PPM1E: variants seen among roughly 807,000 people sequenced by gnomAD.
PPM1E encodes the protein protein phosphatase 1E.
A neutral mutation model predicts 65.9 loss-of-function variants in PPM1E; 20 were observed. That is an observed-to-expected ratio of 0.30 (90% CI 0.21 to 0.44). The LOEUF is 0.44. PPM1E is among the 20% of genes least tolerant of loss of function. The pLI, the probability that PPM1E is intolerant of heterozygous loss-of-function variation, is 1.00. For missense variants in PPM1E, 713 were observed against 953.1 expected (o/e 0.75, Z 3.32); for synonymous variants, 352 against 374.9 (o/e 0.94, Z 0.70).
intron 1 of PPM1E, among the ~76,000 whole-genome samples, chr17:58,914,616 A>G (rs1246773002): frequency 6.6e-6 from 1 of 152,132 alleles, no homozygotes; most frequent in Non-Finnish European, 1.5e-5. Flanking sequence ...GGGCTGACTC[A>G]CTTTCTAAAA....
chr17:58,898,030 G>A (rs1408971568), intron 1 of PPM1E, among the ~76,000 whole-genome samples: 1 of 152,080 alleles, frequency 6.6e-6, no homozygotes, highest in Non-Finnish European at 1.5e-5. Flanking sequence ...GGAGGCCGAG[G>A]CAGGTGGATC....
At chr17:58,958,281 G>A (rs1301246393) in intron 2 of PPM1E, among the ~76,000 whole-genome samples, 3 of 151,830 alleles carry the variant, frequency 2.0e-5, no homozygotes, top group Non-Finnish European at 4.4e-5. Flanking sequence ...GATGATCACA[G>A]TTCACTGAAG....
At chr17:58,936,122 G>T (rs926400728) in intron 1 of PPM1E, among the ~76,000 whole-genome samples, 1 of 152,044 alleles carries the variant, frequency 6.6e-6, no homozygotes, top group African/African-American at 2.4e-5. Context: ...TCGGTGGTGT[G>T]TGGGCATTGC....
At chr17:58,824,511 G>A (rs2050512471) in intron 1 of PPM1E, among the ~76,000 whole-genome samples, 2 of 151,734 alleles carry the variant, frequency 1.3e-5, no homozygotes, top group Admixed American at 6.6e-5. Context: ...AGAGGATTCA[G>A]GTGTAAAAGC....
At chr17:58,814,362 T>G (rs2050396266) in intron 1 of PPM1E, among the ~76,000 whole-genome samples, 1 of 152,184 alleles carries the variant, frequency 6.6e-6, no homozygotes, top group Non-Finnish European at 1.5e-5. Flanking sequence ...CTGTAATAAT[T>G]AACATTTCTG....
chr17:58,827,314 T>G (rs1464958231), intron 1 of PPM1E, among the ~76,000 whole-genome samples: 1 of 151,828 alleles, frequency 6.6e-6, no homozygotes, highest in South Asian at 2.1e-4. Flanking sequence ...ATTTTTTGTA[T>G]TTTTAGTAGA....
chr17:58,898,739 G>A (rs1013014495), intron 1 of PPM1E, among the ~76,000 whole-genome samples: 2 of 152,144 alleles, frequency 1.3e-5, no homozygotes, highest in Non-Finnish European at 2.9e-5. Context: ...ATTCACAATA[G>A]CAAAGACTTG....
intron 1 of PPM1E, among the ~76,000 whole-genome samples, chr17:58,920,732 T>C (rs2051739945): frequency 6.6e-6 from 1 of 152,180 alleles, no homozygotes; most frequent in South Asian, 2.1e-4. Flanking sequence ...TACTTGAATA[T>C]AAGAGCCTAG....
chr17:58,983,071 G>C lies in PPM1E; in HGVS notation c.*2040G>C. On this transcript the variant is annotated 3_prime_UTR_variant, in exon 7 of 7. Coordinates refer to ENST00000308249, the MANE Select transcript of PPM1E (RefSeq NM_014906.5). Reference sequence around the variant, plus strand: ...AGAATAAAGAGGGTAAAGGGAAAAAGTTACTACACATGCTAGGCTTTCTCA... The same window carrying C: ...AGAATAAAGAGGGTAAAGGGAAAAACTTACTACACATGCTAGGCTTTCTCA... The C allele has an allele frequency of 3.0e-6, 2 of 668,238 alleles. No individual in the cohort carries two copies. The highest frequency in any genetic ancestry group is 4.9e-6 in the Non-Finnish European group (2 of 409,060). The allele number at this position is 668,238 out of a possible 1,614,324, so 41.4% of individuals were successfully genotyped here.
intron 1 of PPM1E, among the ~76,000 whole-genome samples, chr17:58,893,210 G>A (rs539988773): frequency 4.3e-4 from 66 of 152,190 alleles, no homozygotes; most frequent in Non-Finnish European, 7.6e-4. Flanking sequence ...CAACCAAGAT[G>A]TCCTTTAGTA....
intron 1 of PPM1E, among the ~76,000 whole-genome samples, chr17:58,845,718 G>T (rs1172692619): frequency 6.6e-6 from 1 of 152,110 alleles, no homozygotes. Flanking sequence ...GTCTCGCTCT[G>T]TCGCTAGGCT....
In PPM1E at chr17:58,969,593, G is replaced by C. The variant is rs1331755537; in HGVS notation, c.838G>C (p.Ala280Pro). Residue 280 changes from alanine to proline, a missense_variant, in exon 4 of 7, where the codon GCT becomes CCT. Physicochemically the swap from Ala to Pro is conservative, Grantham distance 27 (BLOSUM62 -1). Transcript: ENST00000308249. Reference protein sequence around the residue: ...AVFDGHGGVDAAIYASIHLHV... With the variant: ...AVFDGHGGVDPAIYASIHLHV... ...GTTTGATGGCCATGGGGGAGTAGAT[G>C]CTGCTATTTATGCCTCCATTCACCT... 6.2e-7 allele frequency: 1 copy of C among 1,614,028 alleles called. No individual in the cohort carries two copies. Among genetic ancestry groups the C allele is most frequent in the Non-Finnish European group, 8.5e-7 (1 of 1,180,026 alleles).
At chr17:58,824,754 AATTTTTTGT>A (rs2050515534) in intron 1 of PPM1E, among the ~76,000 whole-genome samples, 1 of 145,498 alleles carries the variant, frequency 6.9e-6, no homozygotes, top group South Asian at 2.2e-4. Context: ...ACGCCTGGCT[AATTTTTTGT>A]ATTTTTTGTA....
chr17:58,972,303 C>T, intron 5 of PPM1E, 28 bp downstream of exon 5: 1 of 1,588,070 alleles, frequency 6.3e-7, no homozygotes, highest in Non-Finnish European at 8.6e-7. Flanking sequence ...TAATAGAGCC[C>T]ATGCTCTAGT....
intron 1 of PPM1E, among the ~76,000 whole-genome samples, chr17:58,836,747 C>T (rs370051787): frequency 8.7e-5 from 13 of 149,444 alleles, no homozygotes; most frequent in East Asian, 6.4e-4. Context: ...ATTGGCCGGG[C>T]GCGGTGGCTC....
At chr17:58,855,996 A>G (rs145039865) in intron 1 of PPM1E, among the ~76,000 whole-genome samples, 27 of 152,348 alleles carry the variant, frequency 1.8e-4, no homozygotes, top group Non-Finnish European at 4.0e-4. Flanking sequence ...TACTGAATAA[A>G]CAAATAGCCA....
intron 1 of PPM1E, among the ~76,000 whole-genome samples, chr17:58,930,806 G>A (rs555947524): frequency 6.6e-6 from 1 of 152,110 alleles, no homozygotes; most frequent in Non-Finnish European, 1.5e-5. Context: ...AAAAGGAATA[G>A]AGAGCCAATG....
chr17:58,980,644 C>G lies in PPM1E; in HGVS notation c.1881C>G (p.Pro627=). Residue 627 remains proline, a synonymous_variant, in exon 7 of 7, where the codon CCC becomes CCG. Coordinates refer to ENST00000308249, the MANE Select transcript of PPM1E (RefSeq NM_014906.5). This position sits in a 1 kb window ranked among gnomAD's most constrained non-coding sequence, Gnocchi z 4.7. ...LPEWSGAGEF[P]TAFNLGSTGE... Reference sequence around the variant, plus strand: ...AATGGAGTGGTGCTGGAGAGTTTCCCACTGCTTTCAATTTGGGTTCAACAG... The same window carrying G: ...AATGGAGTGGTGCTGGAGAGTTTCCGACTGCTTTCAATTTGGGTTCAACAG... The G allele has an allele frequency of 1.9e-6, 3 of 1,614,124 alleles. No homozygotes were observed. Among genetic ancestry groups the G allele is most frequent in the Non-Finnish European group, 2.5e-6 (3 of 1,180,010 alleles).
chr17:58,983,422 G>C lies in PPM1E; in HGVS notation c.*2391G>C, dbSNP rs979465646. The C allele has an allele frequency of 6.5e-6, 1 of 152,924 alleles. No homozygotes were observed. Among genetic ancestry groups the C allele is most frequent in the Non-Finnish European group, 1.5e-5 (1 of 68,284 alleles). 9.5% of individuals were successfully genotyped at this position (152,924 alleles called of 1,614,324 possible). Reference sequence around the variant, plus strand: ...TCTTGGTTCTATAAACTAGATAAAAGCAGTGCTTTGTGAAATGCAGTGTTC... The same window carrying C: ...TCTTGGTTCTATAAACTAGATAAAACCAGTGCTTTGTGAAATGCAGTGTTC... On this transcript the variant is annotated 3_prime_UTR_variant, in exon 7 of 7. Transcript: ENST00000308249.
Sources: allele counts gnomAD v4.1 joint callset (sites outside exome capture counted in the v4.1 genomes callset), GRCh38; gene constraint gnomAD v4.1.1; non-coding constraint Gnocchi (gnomAD v3.1); transcripts MANE v1.5; gene names NCBI Gene and HGNC (gene_info 2026-07-23, HGNC 2026-07-21).